ATAD2: variants seen among roughly 807,000 people sequenced by gnomAD.
The protein encoded by ATAD2 is ATPase family AAA domain containing 2, also known as ATPase family AAA domain-containing protein 2.
Under a neutral mutation model 168.9 loss-of-function variants are expected in ATAD2, and 62 were observed. The ratio of observed to expected loss-of-function variants is 0.37; its 90% CI spans 0.30 to 0.45. The LOEUF is 0.45. ATAD2 is among the 20% of genes least tolerant of loss of function. The pLI is 1.00. For synonymous variants in ATAD2, 613 were observed against 571.6 expected (o/e 1.07, Z -1.03); for missense variants, 1,419 against 1,667.8 (o/e 0.85, Z 2.60).
At position 123,356,383 on chromosome 8, in the gene ATAD2, T is replaced by C; in HGVS notation, c.1646+6A>G. 6.2e-7 allele frequency: 1 copy of C among 1,607,488 alleles called. No homozygotes were observed. Among genetic ancestry groups the C allele is most frequent in the Non-Finnish European group, 8.5e-7 (1 of 1,175,316 alleles). On this transcript the variant is annotated splice_donor_region_variant and intron_variant, in intron 13 of 27. Coordinates refer to ENST00000287394, the MANE Select transcript of ATAD2 (RefSeq NM_014109.4). Reference sequence around the variant, plus strand: ...AAACGTTGAAGTGCCATCAAGCAAGTTTTACCTGTGAATCTGATCTTGCCT... The same window carrying C: ...AAACGTTGAAGTGCCATCAAGCAAGCTTTACCTGTGAATCTGATCTTGCCT...
intron 2 of ATAD2, among the ~76,000 whole-genome samples, chr8:123,377,613 T>C (rs1336669598): frequency 2.6e-5 from 4 of 152,140 alleles, no homozygotes; most frequent in Non-Finnish European, 5.9e-5. Flanking sequence ...GAAATAACCA[T>C]TTGGTGTATG....
At chr8:123,391,850 C>T (rs1012967175) in intron 1 of ATAD2, among the ~76,000 whole-genome samples, 2 of 152,162 alleles carry the variant, frequency 1.3e-5, no homozygotes, top group African/African-American at 4.8e-5. Flanking sequence ...TTATTTTAAT[C>T]CAATCCCATG....
upstream of ATAD2, chr8:123,401,398 T>C (rs1812997367): frequency 7.2e-7 from 1 of 1,387,608 alleles, no homozygotes; most frequent in African/African-American, 1.4e-5. Context: ...CTTGGACTTG[T>C]CCGAAGGGAA....
At chr8:123,414,444 G>A (rs1322598164) in intron 1 of ATAD2, among the ~76,000 whole-genome samples, 1 of 152,152 alleles carries the variant, frequency 6.6e-6, no homozygotes, top group Admixed American at 6.6e-5. Context: ...GTCAAGCAAG[G>A]GAAGTTAAAT....
intron 10 of ATAD2, 59 bp from the exon 11 acceptor site, chr8:123,359,395 C>A: frequency 7.5e-7 from 1 of 1,326,268 alleles, no homozygotes; most frequent in Non-Finnish European, 1.1e-6. Flanking sequence ...AAAATGTCAC[C>A]CCACACCATA....
chr8:123,343,330 C>T (rs573760680), intron 19 of ATAD2, among the ~76,000 whole-genome samples: 119 of 152,074 alleles, frequency 7.8e-4, no homozygotes, highest in African/African-American at 2.4e-3. Flanking sequence ...TGTAACCTAC[C>T]CATACTCTTT....
rs1827435228 is a variant in ATAD2 at position 123,320,447 on chromosome 8, A to G, written c.*687T>C. ...ACCTTGTGCTATTAAAAGGTGTTTA[A>G]CAAGGTAGTTATTAATACATTTGTT... On this transcript the variant is annotated 3_prime_UTR_variant, in exon 28 of 28. Coordinates refer to ENST00000287394, the MANE Select transcript of ATAD2 (RefSeq NM_014109.4). 1 of 152,214 alleles carries G rather than the reference A, an allele frequency of 6.6e-6. No homozygotes were observed. Among genetic ancestry groups the G allele is most frequent in the African/African-American group, 2.4e-5 (1 of 41,464 alleles). 9.4% of individuals were successfully genotyped at this position (152,214 alleles called of 1,614,324 possible).
At position 123,328,105 on chromosome 8, in the gene ATAD2, CA is replaced by C. The variant is rs1586854917; in HGVS notation, c.3868+84del. 5.3e-6 allele frequency: 6 copies of C among 1,139,058 alleles called. No homozygotes were observed. In the East Asian group the frequency reaches 1.8e-4, roughly 35 times the overall value. The allele number at this position is 1,139,058 out of a possible 1,614,324, so 70.6% of individuals were successfully genotyped here. On this transcript the variant is annotated intron_variant, in intron 25 of 27. Coordinates refer to ENST00000287394, the MANE Select transcript of ATAD2 (RefSeq NM_014109.4). ...TGCTCTCTGAAAGGCAAGCAAAAAG[CA>C]ATAAACTAAGATGCAATTAGGTGTT... is the stretch of plus-strand genomic sequence containing the variant.
At chr8:123,340,096 C>G (rs1828023189) in intron 19 of ATAD2, among the ~76,000 whole-genome samples, 1 of 151,946 alleles carries the variant, frequency 6.6e-6, no homozygotes, top group Non-Finnish European at 1.5e-5. Context: ...CCTTGTGTTG[C>G]CCAGGCTGAT....
At chr8:123,380,821 G>T in intron 1 of ATAD2, 144 bp from the exon 2 acceptor site, 1 of 722,960 alleles carries the variant, frequency 1.4e-6, no homozygotes, top group Non-Finnish European at 2.2e-6. Flanking sequence ...GAAACTACAA[G>T]TTAGTATCTA....
intron 1 of ATAD2, among the ~76,000 whole-genome samples, chr8:123,382,641 C>T (rs1829524504): frequency 1.3e-5 from 2 of 152,100 alleles, no homozygotes; most frequent in South Asian, 4.1e-4. Flanking sequence ...TCTAAAACCA[C>T]AATGAGATAC....
At chr8:123,412,426 T>A (rs141716268) in intron 1 of ATAD2, among the ~76,000 whole-genome samples, 8 of 152,284 alleles carry the variant, frequency 5.3e-5, no homozygotes, top group South Asian at 4.1e-4. Flanking sequence ...GTAGTTTTTT[T>A]AAGTTATTTT....
chr8:123,326,128 G>T, intron 25 of ATAD2, 102 bp from the exon 26 acceptor site: 1 of 1,234,914 alleles, frequency 8.1e-7, no homozygotes. Flanking sequence ...GTTTACTAAG[G>T]ACATAAACAG....
rs774121432 is a variant in ATAD2, at chr8:123,369,948, A to ATCG, written c.803_804insCGA (p.Asp277dup). 6.0e-4 allele frequency: 914 copies of ATCG among 1,519,730 alleles called. 4 individuals carry two copies. In the African/African-American group the frequency reaches 8.8e-3, roughly 15 times the overall value. The allele number at this position is 1,519,730 out of a possible 1,614,324, so 94.1% of individuals were successfully genotyped here. ...CATCATCATCATCATCATCATCGTC[A>ATCG]TCATCATCATCATCTTCATCATCTT... is the stretch of plus-strand genomic sequence containing the variant. On this transcript the variant is annotated inframe_insertion, in exon 7 of 28. Transcript: ENST00000287394.
chr8:123,343,221 C>T (rs1218470406), intron 19 of ATAD2, among the ~76,000 whole-genome samples: 3 of 152,072 alleles, frequency 2.0e-5, no homozygotes, highest in Admixed American at 2.0e-4. Flanking sequence ...GGTGATTCGC[C>T]CACCCCGGCC....
chr8:123,334,452 G>A (rs565340805), intron 22 of ATAD2, 130 bp from the exon 23 acceptor site: 3 of 887,744 alleles, frequency 3.4e-6, no homozygotes, highest in Admixed American at 3.6e-5. Context: ...AATAGTCAAA[G>A]TTACTGGAAT....
chr8:123,369,942 A>ATCATCG lies in ATAD2; in HGVS notation c.809_810insCGATGA (p.Asp276_Asp277dup), dbSNP rs764198490. 5,971 of 1,554,582 alleles carry ATCATCG rather than the reference A, an allele frequency of 3.8e-3. 184 individuals carry two copies. The African/African-American group carries it at 0.073, about 19-fold the overall frequency. ...CTTCATCATCATCATCATCATCATC[A>ATCATCG]TCGTCATCATCATCATCATCTTCAT... On this transcript the variant is annotated inframe_insertion, in exon 7 of 28. Coordinates refer to ENST00000287394, the MANE Select transcript of ATAD2 (RefSeq NM_014109.4).
At chr8:123,346,791 G>A (rs1332161363) in intron 16 of ATAD2, 41 bp from the exon 17 acceptor site, 3 of 1,526,252 alleles carry the variant, frequency 2.0e-6, no homozygotes, top group South Asian at 2.5e-5. Context: ...CTTTTGGATT[G>A]CAAAGCAAAT....
chr8:123,380,442 G>C, intron 2 of ATAD2, 87 bp downstream of exon 2: 1 of 1,401,636 alleles, frequency 7.1e-7, no homozygotes, highest in Non-Finnish European at 9.9e-7. Context: ...TTGATGACCA[G>C]TCAAAAATAC....
Sources: gnomAD v4.1 joint callset for allele counts (sites outside exome capture counted in the v4.1 genomes callset) on GRCh38, gnomAD v4.1.1 for gene constraint, MANE v1.5 for transcripts, NCBI Gene and HGNC (gene_info 2026-07-23, HGNC 2026-07-21) for gene names.